The following DEPTOR variants were observed in gnomAD, a reference collection of about 807,000 sequenced individuals.
The protein encoded by DEPTOR is DEP domain containing MTOR interacting protein, also known as DEP domain-containing mTOR-interacting protein.
Under a neutral mutation model 41.6 loss-of-function variants are expected in DEPTOR, and 41 were observed. The ratio of observed to expected loss-of-function variants is 0.98; its 90% CI spans 0.77 to 1.28. DEPTOR has a LOEUF of 1.28. Ranked by LOEUF, DEPTOR falls within the 50% of genes most tolerant of loss-of-function variation. DEPTOR has a pLI of 0.00. For missense variants in DEPTOR, 514 were observed against 527.9 expected (o/e 0.97, Z 0.26); for synonymous variants, 195 against 192.3 (o/e 1.01, Z -0.12).
intron 1 of DEPTOR, among the ~76,000 whole-genome samples, chr8:119,919,031 G>A (rs890355065): frequency 1.3e-5 from 2 of 151,822 alleles, no homozygotes; most frequent in African/African-American, 4.8e-5. Flanking sequence ...CCTGTGCTCT[G>A]TTTATATAAA....
At chr8:120,005,650 T>C (rs543200224) in intron 6 of DEPTOR, among the ~76,000 whole-genome samples, 2 of 152,336 alleles carry the variant, frequency 1.3e-5, no homozygotes, top group Admixed American at 6.5e-5. Context: ...AAGTTCACAA[T>C]GTCTGCAGAG....
intron 1 of DEPTOR, among the ~76,000 whole-genome samples, chr8:119,884,117 G>T (rs1281250265): frequency 6.6e-6 from 1 of 152,206 alleles, no homozygotes; most frequent in African/African-American, 2.4e-5. Flanking sequence ...GAGTGCAGTG[G>T]CATGATCTTG....
At position 119,958,255 on chromosome 8, in the gene DEPTOR, G is replaced by A. The variant is rs12676953; in HGVS notation, c.426-6977G>A. ...CCAGGATGCCCTCATTCACATGTCT[G>A]AGAGCTGGTGCTTGCTGTTGCTTGG... On this transcript the variant is annotated intron_variant, in intron 3 of 8. Transcript: ENST00000286234. Among the ~76,000 whole-genome samples, 37 of 152,256 alleles carry A rather than the reference G, an allele frequency of 2.4e-4. 1 individual carries two copies. The East Asian group carries it at 6.2e-3, about 25-fold the overall frequency.
At chr8:119,895,377 G>A (rs753562667) in intron 1 of DEPTOR, among the ~76,000 whole-genome samples, 5 of 152,170 alleles carry the variant, frequency 3.3e-5, no homozygotes, top group African/African-American at 4.8e-5. Flanking sequence ...TTAAGGAACA[G>A]CTTAACTGGG....
intron 8 of DEPTOR, among the ~76,000 whole-genome samples, chr8:120,037,680 G>A (rs1457131291): frequency 6.6e-6 from 1 of 152,154 alleles, no homozygotes; most frequent in Non-Finnish European, 1.5e-5. Context: ...GCTGCCAACA[G>A]GGGGAGAGAA....
At chr8:119,903,241 G>A (rs1827618430) in intron 1 of DEPTOR, among the ~76,000 whole-genome samples, 2 of 152,100 alleles carry the variant, frequency 1.3e-5, no homozygotes, top group Non-Finnish European at 2.9e-5. Context: ...TGGGATTATA[G>A]GTCCCTGCCA....
intron 4 of DEPTOR, among the ~76,000 whole-genome samples, chr8:119,995,553 T>G (rs371950623): frequency 1.4e-3 from 214 of 148,550 alleles, no homozygotes; most frequent in African/African-American, 5.2e-3. Context: ...GCCACTGCAC[T>G]CCAGCCTGGG....
At chr8:119,947,329 G>T (rs1193722755) in intron 3 of DEPTOR, among the ~76,000 whole-genome samples, 2 of 152,206 alleles carry the variant, frequency 1.3e-5, no homozygotes, top group African/African-American at 4.8e-5. Flanking sequence ...TGCTAGGACA[G>T]ATGTATTCAG....
chr8:119,891,851 A>C (rs1024261205), intron 1 of DEPTOR, among the ~76,000 whole-genome samples: 98 of 152,346 alleles, frequency 6.4e-4, no homozygotes, highest in African/African-American at 2.3e-3. Context: ...TTGAGGAATA[A>C]TTAAGATGCA....
intron 1 of DEPTOR, among the ~76,000 whole-genome samples, chr8:119,922,696 C>T (rs977130703): frequency 6.6e-6 from 1 of 152,160 alleles, no homozygotes; most frequent in Non-Finnish European, 1.5e-5. Flanking sequence ...GTCCCTAGCA[C>T]ATAGATGCAT....
At chr8:120,010,563 C>T (rs1812514587) in intron 8 of DEPTOR, among the ~76,000 whole-genome samples, 1 of 150,760 alleles carries the variant, frequency 6.6e-6, no homozygotes, top group African/African-American at 2.4e-5. Context: ...TTGCAGTGGG[C>T]TGAGATCGCA....
At chr8:120,009,197 A>G (rs1357513223) in intron 8 of DEPTOR, 64 bp downstream of exon 8, 17 of 1,438,220 alleles carry the variant, frequency 1.2e-5, no homozygotes, top group South Asian at 6.2e-5. Context: ...TAAATTGGCC[A>G]TGATTCTTAC....
chr8:120,026,515 G>A (rs1812799488), intron 8 of DEPTOR, among the ~76,000 whole-genome samples: 1 of 151,800 alleles, frequency 6.6e-6, no homozygotes, highest in African/African-American at 2.4e-5. Flanking sequence ...GCTAATTTTT[G>A]TATTTTTAGT....
intron 1 of DEPTOR, among the ~76,000 whole-genome samples, chr8:119,874,746 A>G (rs1827210663): frequency 6.6e-6 from 1 of 151,788 alleles, no homozygotes; most frequent in Non-Finnish European, 1.5e-5. Flanking sequence ...AACAAGGACG[A>G]CCCCCAGAAT....
At chr8:120,038,039 G>T (rs577180939) in intron 8 of DEPTOR, among the ~76,000 whole-genome samples, 6 of 152,162 alleles carry the variant, frequency 3.9e-5, no homozygotes, top group South Asian at 2.1e-4. Context: ...GGCCAAGGCG[G>T]GTGGATCGCT....
intron 8 of DEPTOR, among the ~76,000 whole-genome samples, chr8:120,011,505 A>G (rs1812530610): frequency 6.6e-6 from 1 of 152,180 alleles, no homozygotes; most frequent in Non-Finnish European, 1.5e-5. Context: ...GAAGGATTTT[A>G]TATTTTATTT....
intron 8 of DEPTOR, among the ~76,000 whole-genome samples, chr8:120,041,140 C>G (rs1341908477): frequency 6.6e-6 from 1 of 152,148 alleles, no homozygotes; most frequent in Non-Finnish European, 1.5e-5. Context: ...GACATGAATG[C>G]AACAATTTCT....
At chr8:120,020,285 T>A (rs1232830083) in intron 8 of DEPTOR, among the ~76,000 whole-genome samples, 3 of 152,178 alleles carry the variant, frequency 2.0e-5, no homozygotes, top group Admixed American at 2.0e-4. Context: ...TTTCACCAGT[T>A]GGCCAGGCTG....
intron 8 of DEPTOR, among the ~76,000 whole-genome samples, chr8:120,040,342 C>T (rs534787203): frequency 1.2e-4 from 18 of 151,872 alleles, no homozygotes; most frequent in African/African-American, 3.4e-4. Flanking sequence ...TTTGGGAGGC[C>T]GAGGCGGGCA....
Sources: allele counts gnomAD v4.1 joint callset (sites outside exome capture counted in the v4.1 genomes callset), GRCh38; gene constraint gnomAD v4.1.1; transcripts MANE v1.5; gene names NCBI Gene and HGNC (gene_info 2026-07-23, HGNC 2026-07-21).